Variants in SDK1 observed in about 807,000 individuals in gnomAD.
The protein encoded by SDK1 is sidekick cell adhesion molecule 1.
Under a neutral mutation model 245.5 loss-of-function variants are expected in SDK1, and 157 were observed. The observed-to-expected ratio is 0.64, with a 90% CI of 0.56 to 0.73. The LOEUF (loss-of-function observed/expected upper bound fraction) is 0.73. SDK1 is among the 30% of genes least tolerant of loss of function. The probability of loss-of-function intolerance (pLI) is 0.00; values close to 1 mark genes in which losing one functional copy is unlikely to be tolerated. For missense variants in SDK1, 3,583 were observed against 3,002.3 expected (o/e 1.19, Z -4.52); for synonymous variants, 1,647 against 1,278.5 (o/e 1.29, Z -6.15).
chr7:3,438,317 C>G (rs1780090182), intron 1 of SDK1, among the ~76,000 whole-genome samples: 1 of 152,158 alleles, frequency 6.6e-6, no homozygotes, highest in Non-Finnish European at 1.5e-5. Context: ...GTTGTCTCTG[C>G]TATATCTATC....
chr7:3,975,983 A>G (rs374156624), intron 13 of SDK1, among the ~76,000 whole-genome samples: 5,579 of 57,242 alleles, frequency 0.097, 129 homozygotes, highest in East Asian at 0.16. Context: ...AGAATCACTG[A>G]GGGTCCCGGG....
chr7:3,763,567 TAG>T (rs1471644293), intron 4 of SDK1, among the ~76,000 whole-genome samples: 1 of 152,220 alleles, frequency 6.6e-6, no homozygotes, highest in African/African-American at 2.4e-5. Flanking sequence ...TGCATATCAT[TAG>T]AGTTTCATGT....
At position 4,233,297 on chromosome 7, in the gene SDK1, G is replaced by T; in HGVS notation, c.5870G>T (p.Ser1957Ile). Reference sequence around the variant, plus strand: ...ATGTTTGTGAAGGACATCCCGCGGAGCGCCACATCCTACACCCTCAGCCTG... The same window carrying T: ...ATGTTTGTGAAGGACATCCCGCGGATCGCCACATCCTACACCCTCAGCCTG... ...WDMFVKDIPRSATSYTLSLDK... is the reference protein window; with the variant it reads ...WDMFVKDIPRIATSYTLSLDK... The change falls in exon 41 of 45, where the codon AGC becomes ATC. Residue 1957 changes from serine (S) to isoleucine (I), a missense_variant. Coordinates refer to ENST00000404826, the MANE Select transcript of SDK1 (RefSeq NM_152744.4). The T allele has an allele frequency of 6.2e-7, 1 of 1,613,948 alleles. No individual in the cohort carries two copies. Among genetic ancestry groups the T allele is most frequent in the South Asian group, 1.1e-5 (1 of 91,090 alleles).
At chr7:3,371,646 G>A (rs866539247) in intron 1 of SDK1, among the ~76,000 whole-genome samples, 1 of 152,104 alleles carries the variant, frequency 6.6e-6, no homozygotes, top group African/African-American at 2.4e-5. Flanking sequence ...AAATAGAAGA[G>A]GAGTATGGAT....
intron 4 of SDK1, among the ~76,000 whole-genome samples, chr7:3,662,579 C>T (rs905725519): frequency 9.2e-5 from 14 of 152,136 alleles, no homozygotes; most frequent in African/African-American, 2.9e-4. Flanking sequence ...AGGGCCGCTG[C>T]GGGGACGATT....
chr7:3,701,404 A>G (rs1438094579), intron 4 of SDK1, among the ~76,000 whole-genome samples: 1 of 152,202 alleles, frequency 6.6e-6, no homozygotes, highest in African/African-American at 2.4e-5. Flanking sequence ...AATGTAATTC[A>G]TATCAAAATC....
chr7:3,302,062 C>T (rs148716283), intron 1 of SDK1, among the ~76,000 whole-genome samples, 178 bp downstream of exon 1: 65 of 152,122 alleles, frequency 4.3e-4, no homozygotes, highest in African/African-American at 1.5e-3. Flanking sequence ...GAGAGGGAAA[C>T]GGAGCCCCGT....
intron 2 of SDK1, among the ~76,000 whole-genome samples, chr7:3,622,450 C>T (rs1287407295): frequency 2.0e-5 from 3 of 152,194 alleles, no homozygotes; most frequent in Non-Finnish European, 4.4e-5. Context: ...CACTGCACTC[C>T]AGCCTGGGCT....
chr7:4,251,279 C>T (rs1787274257), intron 44 of SDK1, among the ~76,000 whole-genome samples: 1 of 152,196 alleles, frequency 6.6e-6, no homozygotes, highest in Non-Finnish European at 1.5e-5. Context: ...CAGAATTCAG[C>T]ACACAACATC....
intron 4 of SDK1, among the ~76,000 whole-genome samples, chr7:3,728,753 G>C (rs1231470923): frequency 6.6e-6 from 1 of 152,222 alleles, no homozygotes; most frequent in East Asian, 1.9e-4. Flanking sequence ...TTACAGGCAT[G>C]TGCCACCATG....
chr7:3,849,239 T>C (rs1232325881), intron 5 of SDK1, among the ~76,000 whole-genome samples: 1 of 152,206 alleles, frequency 6.6e-6, no homozygotes, highest in African/African-American at 2.4e-5. Context: ...TGCTCCAGCA[T>C]CATGTCTTCC....
chr7:3,653,987 G>A (rs908887617), intron 4 of SDK1, among the ~76,000 whole-genome samples: 1 of 152,076 alleles, frequency 6.6e-6, no homozygotes, highest in African/African-American at 2.4e-5. Flanking sequence ...GCTATATGCC[G>A]CCCCTCAAAA....
At chr7:3,794,908 A>C (rs1158117427) in intron 4 of SDK1, among the ~76,000 whole-genome samples, 1 of 151,480 alleles carries the variant, frequency 6.6e-6, no homozygotes, top group Non-Finnish European at 1.5e-5. Flanking sequence ...CTTGGCCTTT[A>C]AGAAAATATT....
chr7:3,372,975 G>A (rs1781264903), intron 1 of SDK1, among the ~76,000 whole-genome samples: 1 of 152,128 alleles, frequency 6.6e-6, no homozygotes, highest in South Asian at 2.1e-4. Flanking sequence ...CTTAAATTTT[G>A]TAAACTAAAA....
At chr7:3,663,458 G>A (rs1402799406) in intron 4 of SDK1, among the ~76,000 whole-genome samples, 2 of 152,160 alleles carry the variant, frequency 1.3e-5, no homozygotes, top group Non-Finnish European at 2.9e-5. Flanking sequence ...TGTTCTCAGG[G>A]CCTTGCTTGT....
chr7:3,499,033 G>A (rs1174373995), intron 1 of SDK1, among the ~76,000 whole-genome samples: 1 of 152,116 alleles, frequency 6.6e-6, no homozygotes, highest in Non-Finnish European at 1.5e-5. Context: ...TTTATACTTT[G>A]TGTTTTAAAA....
chr7:3,682,327 T>C (rs1202632232), intron 4 of SDK1, among the ~76,000 whole-genome samples: 1 of 152,204 alleles, frequency 6.6e-6, no homozygotes, highest in Non-Finnish European at 1.5e-5. Context: ...TTTTCAACTA[T>C]GCCACAGTTG....
chr7:4,114,765 C>G (rs557174671), intron 25 of SDK1, among the ~76,000 whole-genome samples: 1 of 152,290 alleles, frequency 6.6e-6, no homozygotes, highest in South Asian at 2.1e-4. Flanking sequence ...GCGGGTGGCT[C>G]TCTTCCACAA....
intron 20 of SDK1, among the ~76,000 whole-genome samples, chr7:4,076,753 G>A (rs1225497809): frequency 6.6e-6 from 1 of 152,170 alleles, no homozygotes; most frequent in African/African-American, 2.4e-5. Context: ...CGCCCTGGTA[G>A]GGAGGGATGG....
Sources: allele counts gnomAD v4.1 joint callset (sites outside exome capture counted in the v4.1 genomes callset), GRCh38; gene constraint gnomAD v4.1.1; transcripts MANE v1.5; gene names NCBI Gene and HGNC (gene_info 2026-07-23, HGNC 2026-07-21).